The following POP1 variants were observed in gnomAD, a reference collection of about 807,000 sequenced individuals.
POP1 encodes ribonucleases P/MRP protein subunit POP1.
A neutral mutation model predicts 102.2 loss-of-function variants in POP1; 75 were observed. The ratio of observed to expected loss-of-function variants is 0.73; its 90% CI spans 0.61 to 0.89. The LOEUF is 0.89. Ranked by LOEUF, POP1 falls within the 40% of genes least tolerant of loss-of-function variation. The pLI is 0.00. For missense variants in POP1, 1,116 were observed against 1,267.4 expected (o/e 0.88, Z 1.81); for synonymous variants, 436 against 464.1 (o/e 0.94, Z 0.78).
chr8:98,129,065 G>A (rs1358360194), intron 4 of POP1, among the ~76,000 whole-genome samples: 2 of 152,082 alleles, frequency 1.3e-5, no homozygotes. Context: ...TGAAATATAG[G>A]ATTTGATACT....
rs1422195067 is a variant in POP1, at chr8:98,146,265, C to T, written c.1595-303C>T. 3.3e-5 allele frequency among the ~76,000 whole-genome samples: 5 copies of T among 152,256 alleles called. No individual in the cohort carries two copies. The East Asian group carries it at 9.6e-4, about 29-fold the overall frequency. The stretch of plus-strand genomic sequence containing the variant: ...GTATTATTTGCCTTTGCCGTGGCTC[C>T]TAGAATTTGATTATCTTACATGTGG... On this transcript the variant is annotated intron_variant, in intron 11 of 15. Coordinates refer to ENST00000401707, the MANE Select transcript of POP1 (RefSeq NM_001145860.2).
intron 13 of POP1, among the ~76,000 whole-genome samples, chr8:98,150,029 C>T (rs1040249068): frequency 1.5e-4 from 23 of 152,138 alleles, no homozygotes; most frequent in South Asian, 4.1e-4. Context: ...ACCCGCCATC[C>T]GGCTTAAGAA....
rs556437716 is a variant in POP1, at chr8:98,154,115, G to A, written c.2058-1935G>A. On this transcript the variant is annotated intron_variant, in intron 14 of 15. Coordinates refer to ENST00000401707, the MANE Select transcript of POP1 (RefSeq NM_001145860.2). The stretch of plus-strand genomic sequence containing the variant: ...AGAGAGGAATTGTAAGCAGTTTCTG[G>A]GAGAGTGGAAGACGGAATTGAGAGG... Among the ~76,000 whole-genome samples the A allele has an allele frequency of 2.0e-5, 3 of 152,300 alleles. No homozygotes were observed. The South Asian group carries it at 6.2e-4, about 32-fold the overall frequency.
chr8:98,129,367 A>G (rs993555244), intron 4 of POP1, among the ~76,000 whole-genome samples: 1 of 152,230 alleles, frequency 6.6e-6, no homozygotes. Context: ...TAATTGGTTT[A>G]AAACCTATTT....
chr8:98,126,048 C>T lies in POP1; in HGVS notation c.143-1547C>T, dbSNP rs546672967. ...TTTTTTTGGTAGAGACAGGGTTTTG[C>T]CACGTTGACCAGTTAGTCTCAAACT... On this transcript the variant is annotated intron_variant, in intron 2 of 15. Transcript: ENST00000401707. Among the ~76,000 whole-genome samples the T allele has an allele frequency of 3.3e-5, 5 of 150,166 alleles. No homozygotes were observed. In the East Asian group the frequency reaches 9.8e-4, roughly 29 times the overall value.
intron 1 of POP1, among the ~76,000 whole-genome samples, chr8:98,123,043 T>TGATACAGGTGGCTCTTATTTCATC (rs1217601957): frequency 1.3e-5 from 2 of 152,250 alleles, no homozygotes; most frequent in Non-Finnish European, 2.9e-5. Flanking sequence ...TGTATTTCAT[T>TGATACAGGTGGCTCTTATTTCATC]GATTCAGGTG....
In POP1 at chr8:98,157,599, G is replaced by A. The variant is rs754777660; in HGVS notation, c.2421-18G>A. On this transcript the variant is annotated intron_variant, in intron 15 of 15. Transcript: ENST00000401707. ...TGGAACAAAATATCCTCAAACGTAT[G>A]TCTCCAACTTCATGTAGGAGTAGAA... 44 of 1,613,332 alleles carry A rather than the reference G, an allele frequency of 2.7e-5. No homozygotes were observed. Among genetic ancestry groups the A allele is most frequent in the Non-Finnish European group, 3.1e-5 (37 of 1,179,440 alleles).
Position 98,158,214 on chromosome 8 carries a change from A to G in POP1, c.3018A>G (p.Leu1006=). 2 of 1,611,864 alleles carry G rather than the reference A, an allele frequency of 1.2e-6. No homozygotes were observed. Among genetic ancestry groups the G allele is most frequent in the South Asian group, 1.1e-5 (1 of 91,072 alleles). ...CTGCAGCGCAGAGGGGCTTAGTGCT[A>G]CTGAGGCCTCCCGCCTCTCTGCAGT... ...SQPAAQRGLV[L]LRPPASLQYR... is the part of the protein sequence containing the mutation. The change falls in exon 16 of 16, where the codon CTA becomes CTG. Residue 1006 remains leucine, a synonymous_variant. Transcript: ENST00000401707.
intron 11 of POP1, 111 bp downstream of exon 11, chr8:98,140,999 T>C: frequency 7.5e-7 from 1 of 1,333,624 alleles, no homozygotes; most frequent in Non-Finnish European, 1.1e-6. Context: ...CTGTAAAAAA[T>C]TAGGGCAGTC....
chr8:98,135,949 C>A (rs534194395), intron 7 of POP1, among the ~76,000 whole-genome samples: 3 of 152,202 alleles, frequency 2.0e-5, no homozygotes, highest in Non-Finnish European at 1.5e-5. Flanking sequence ...AAGCCATCCT[C>A]CTGCCTCAGC....
rs1170393896 is a variant in POP1 at position 98,134,022 on chromosome 8, G to T, written c.809G>T (p.Cys270Phe). ...EEILKALSGM[C>F]NIDTGLTFAA... Reference sequence around the variant, plus strand: ...ATACTAAAGGCGCTTTCTGGAATGTGTAACATAGACACAGGTAAACTTGTT... The same window carrying T: ...ATACTAAAGGCGCTTTCTGGAATGTTTAACATAGACACAGGTAAACTTGTT... Residue 270 changes from cysteine to phenylalanine, a missense_variant, in exon 6 of 16, where the codon TGT (cysteine) becomes TTT (phenylalanine). Transcript: ENST00000401707. 2 of 1,609,228 alleles carry T rather than the reference G, an allele frequency of 1.2e-6. No homozygotes were observed. Among genetic ancestry groups the T allele is most frequent in the Admixed American group, 3.3e-5 (2 of 60,016 alleles).
intron 14 of POP1, among the ~76,000 whole-genome samples, chr8:98,153,170 T>C (rs1809560720): frequency 6.6e-6 from 1 of 152,120 alleles, no homozygotes; most frequent in Admixed American, 6.5e-5. Context: ...GCGTCTCGCT[T>C]TGTTGCCCAG....
chr8:98,132,700 G>A (rs2232), intron 5 of POP1, among the ~76,000 whole-genome samples: 84,637 of 151,194 alleles, frequency 0.56, 24,259 homozygotes, highest in South Asian at 0.75. Context: ...GGTACATCTG[G>A]TTGTCAGGAA....
chr8:98,151,740 C>CTTTTTT (rs755019200), intron 14 of POP1, among the ~76,000 whole-genome samples: 6 of 112,928 alleles, frequency 5.3e-5, no homozygotes, highest in Admixed American at 9.6e-5. Flanking sequence ...GCCTGGCTTG[C>CTTTTTT]TTTTTTTTTT....
chr8:98,141,190 G>A (rs1233739912), intron 11 of POP1, among the ~76,000 whole-genome samples: 5 of 151,826 alleles, frequency 3.3e-5, no homozygotes, highest in Non-Finnish European at 5.9e-5. Flanking sequence ...AATGTCTGGC[G>A]TTTCAGAATT....
At position 98,123,559 on chromosome 8, in the gene POP1, A is replaced by G. The variant is rs28556674; in HGVS notation, c.142+80A>G. On this transcript the variant is annotated intron_variant, in intron 2 of 15. Transcript: ENST00000401707. Reference sequence around the variant, plus strand: ...TTTGGGAGGCTGAAGTGGGCGGTTCATGAGGTCAAGAGATCAAGACCATCC... The same window carrying G: ...TTTGGGAGGCTGAAGTGGGCGGTTCGTGAGGTCAAGAGATCAAGACCATCC... 0.2 allele frequency: 273,516 copies of G among 1,343,110 alleles called. 29,234 individuals carry two copies. The highest frequency in any genetic ancestry group is 0.22 in the Non-Finnish European group (208,826 of 962,146). 83.2% of individuals were successfully genotyped at this position (1,343,110 alleles called of 1,614,324 possible). A position where few individuals can be genotyped will look rare whatever the true frequency, so the allele number is the denominator to read the frequency against.
At chr8:98,130,570 A>G (rs977992019) in intron 5 of POP1, among the ~76,000 whole-genome samples, 1 of 152,122 alleles carries the variant, frequency 6.6e-6, no homozygotes, top group Non-Finnish European at 1.5e-5. Context: ...AGGCAGAAGG[A>G]AGCCAGGTGA....
chr8:98,133,221 A>T (rs1187462267), intron 5 of POP1, among the ~76,000 whole-genome samples: 1 of 152,150 alleles, frequency 6.6e-6, no homozygotes, highest in South Asian at 2.1e-4. Flanking sequence ...TGTCTCAAAA[A>T]CAAAACAAAC....
chr8:98,131,134 A>G (rs1816368725), intron 5 of POP1, among the ~76,000 whole-genome samples: 2 of 152,234 alleles, frequency 1.3e-5, no homozygotes, highest in South Asian at 4.1e-4. Flanking sequence ...TAACAAAACC[A>G]TTTGACCATT....
Sources: gnomAD v4.1 joint callset for allele counts (sites outside exome capture counted in the v4.1 genomes callset) on GRCh38, gnomAD v4.1.1 for gene constraint, MANE v1.5 for transcripts, NCBI Gene and HGNC (gene_info 2026-07-23, HGNC 2026-07-21) for gene names.